Variants in STXBP6 observed in about 807,000 individuals in gnomAD.
STXBP6 encodes the protein syntaxin binding protein 6.
STXBP6 carries 21 observed loss-of-function variants against 26.9 expected under a neutral mutation model. The observed-to-expected ratio is 0.78, with a 90% CI of 0.55 to 1.12. The LOEUF (loss-of-function observed/expected upper bound fraction) is 1.12, where lower values mean the gene tolerates loss of function less well. Ranked by LOEUF, STXBP6 falls within the 50% of genes most tolerant of loss-of-function variation. STXBP6 has a pLI of 0.00. For missense variants in STXBP6, 232 were observed against 257.9 expected, an observed-to-expected ratio of 0.90 and a Z score of 0.69; for synonymous variants, 97 against 92.6, an observed-to-expected ratio of 1.05 and a Z score of -0.27.
chr14:24,879,607 T>C (rs1032298828), intron 2 of STXBP6, among the ~76,000 whole-genome samples: 4 of 152,220 alleles, frequency 2.6e-5, no homozygotes, highest in African/African-American at 7.2e-5. Flanking sequence ...GATTCTATTA[T>C]GGTCCTAAAC....
intron 2 of STXBP6, among the ~76,000 whole-genome samples, chr14:24,899,757 T>A (rs1342109090): frequency 9.5e-6 from 1 of 105,754 alleles, no homozygotes; most frequent in South Asian, 3.2e-4. Flanking sequence ...CTCTAGCCTG[T>A]AAAACAGAGC....
intron 2 of STXBP6, among the ~76,000 whole-genome samples, chr14:24,882,240 G>A (rs375870231): frequency 3.3e-5 from 5 of 149,404 alleles, no homozygotes; most frequent in African/African-American, 9.8e-5. Context: ...TTAGCCGGGC[G>A]TAGTGGCGGG....
At chr14:25,002,359 CTTT>C (rs747010332) in intron 1 of STXBP6, among the ~76,000 whole-genome samples, 5 of 121,340 alleles carry the variant, frequency 4.1e-5, no homozygotes, top group Admixed American at 1.6e-4. Context: ...ATTCTTATGA[CTTT>C]TTTTTTTTTT....
At chr14:25,044,678 C>T (rs558521152) in intron 1 of STXBP6, among the ~76,000 whole-genome samples, 10 of 152,340 alleles carry the variant, frequency 6.6e-5, no homozygotes, top group South Asian at 6.2e-4. Flanking sequence ...TGCAGTGGCA[C>T]GATCAGGGCT....
At chr14:24,983,426 T>C (rs1390847451) in intron 1 of STXBP6, among the ~76,000 whole-genome samples, 2 of 152,210 alleles carry the variant, frequency 1.3e-5, no homozygotes, top group Admixed American at 6.5e-5. Flanking sequence ...CACATAAAGA[T>C]TGACTTAACA....
At chr14:24,958,508 G>C (rs1198001136) in intron 2 of STXBP6, among the ~76,000 whole-genome samples, 1 of 152,136 alleles carries the variant, frequency 6.6e-6, no homozygotes, top group Non-Finnish European at 1.5e-5. Context: ...GGAAGGAAAA[G>C]AGTTTGAAAT....
chr14:25,023,806 A>C (rs1566569406), intron 1 of STXBP6, among the ~76,000 whole-genome samples: 1 of 152,156 alleles, frequency 6.6e-6, no homozygotes, highest in Non-Finnish European at 1.5e-5. Context: ...ATGCAACAAA[A>C]AACAAAGGTG....
intron 1 of STXBP6, among the ~76,000 whole-genome samples, chr14:25,035,946 G>A (rs1176435013): frequency 1.3e-5 from 2 of 152,092 alleles, no homozygotes; most frequent in African/African-American, 4.8e-5. Context: ...GGCTGGGCAC[G>A]GTGGCTCACG....
intron 2 of STXBP6, among the ~76,000 whole-genome samples, chr14:24,965,045 T>C (rs1231102984): frequency 1.3e-5 from 2 of 152,128 alleles, no homozygotes; most frequent in East Asian, 1.9e-4. Flanking sequence ...AACTCTGAAA[T>C]AGAACAGCAG....
Position 24,821,202 on chromosome 14 carries a change from G to A in STXBP6, c.452-2008C>T, listed in dbSNP as rs534195508. 2.6e-5 allele frequency among the ~76,000 whole-genome samples: 4 copies of A among 152,292 alleles called. No homozygotes were observed. In the East Asian group the frequency reaches 7.7e-4, roughly 29 times the overall value. ...GCCACCAGAGGACTGGGAAAAGATA[G>A]GGCAGGGAAGCTGCAACTTCACCAC... On this transcript the variant is annotated intron_variant, in intron 4 of 5. Coordinates refer to ENST00000323944, the MANE Select transcript of STXBP6 (RefSeq NM_001394410.1).
At chr14:25,015,146 A>T (rs967865711) in intron 1 of STXBP6, among the ~76,000 whole-genome samples, 1 of 152,216 alleles carries the variant, frequency 6.6e-6, no homozygotes, top group Non-Finnish European at 1.5e-5. Flanking sequence ...GCAGTATGAG[A>T]ACACCCTTAT....
At chr14:24,894,891 CTTTT>C (rs66655858) in intron 2 of STXBP6, among the ~76,000 whole-genome samples, 3 of 150,600 alleles carry the variant, frequency 2.0e-5, no homozygotes, top group Admixed American at 6.6e-5. Flanking sequence ...TTCTCTCTCT[CTTTT>C]TTTTTTTTTA....
chr14:24,927,176 G>A (rs1437177878), intron 2 of STXBP6, among the ~76,000 whole-genome samples: 2 of 152,188 alleles, frequency 1.3e-5, no homozygotes, highest in African/African-American at 4.8e-5. Flanking sequence ...CATTATTAAA[G>A]AAGACTGTTT....
At chr14:24,920,074 T>A (rs538073890) in intron 2 of STXBP6, among the ~76,000 whole-genome samples, 1 of 152,162 alleles carries the variant, frequency 6.6e-6, no homozygotes, top group Non-Finnish European at 1.5e-5. Context: ...TAGCTTTCCA[T>A]CTTCTCAACT....
At chr14:24,853,452 T>C (rs1231497981) in intron 4 of STXBP6, among the ~76,000 whole-genome samples, 1 of 152,170 alleles carries the variant, frequency 6.6e-6, no homozygotes, top group Non-Finnish European at 1.5e-5. Context: ...TTTTTGTGCC[T>C]TCCTTAGTAA....
At chr14:24,927,354 C>T (rs573167848) in intron 2 of STXBP6, among the ~76,000 whole-genome samples, 1 of 152,262 alleles carries the variant, frequency 6.6e-6, no homozygotes, top group African/African-American at 2.4e-5. Flanking sequence ...TTCTCAGTGG[C>T]CGACTTTGTT....
intron 4 of STXBP6, among the ~76,000 whole-genome samples, chr14:24,834,438 T>C (rs1019994023): frequency 1.2e-4 from 18 of 152,236 alleles, no homozygotes; most frequent in African/African-American, 4.3e-4. Flanking sequence ...ATAAATGGCA[T>C]TATTTGTAGG....
intron 2 of STXBP6, among the ~76,000 whole-genome samples, chr14:24,910,856 CA>C (rs1341197561): frequency 6.6e-6 from 1 of 152,082 alleles, no homozygotes; most frequent in African/African-American, 2.4e-5. Context: ...CTCTAACAGA[CA>C]AAGTGTTCCT....
At chr14:25,000,663 T>C (rs1326027080) in intron 1 of STXBP6, among the ~76,000 whole-genome samples, 1 of 149,702 alleles carries the variant, frequency 6.7e-6, no homozygotes, top group African/African-American at 2.5e-5. Context: ...AAACTGACCA[T>C]AAAGAAATTA....
Sources: gnomAD v4.1 joint callset for allele counts (sites outside exome capture counted in the v4.1 genomes callset) on GRCh38, gnomAD v4.1.1 for gene constraint, MANE v1.5 for transcripts, NCBI Gene and HGNC (gene_info 2026-07-23, HGNC 2026-07-21) for gene names.